Variants in ABLIM2 observed in about 807,000 individuals in gnomAD.
ABLIM2 encodes actin-binding LIM protein 2.
A neutral mutation model predicts 97.7 loss-of-function variants in ABLIM2; 53 were observed. The ratio of observed to expected loss-of-function variants is 0.54; its 90% confidence interval spans 0.44 to 0.68. The LOEUF is 0.68. ABLIM2 is among the 30% of genes least tolerant of loss of function. ABLIM2 has a pLI of 0.00. For synonymous variants in ABLIM2, 361 were observed against 345.8 expected (o/e 1.04, Z -0.49); for missense variants, 835 against 867.2 (o/e 0.96, Z 0.47).
chr4:8,101,460 C>G (rs1022753895), intron 2 of ABLIM2, among the ~76,000 whole-genome samples: 13 of 152,222 alleles, frequency 8.5e-5, no homozygotes, highest in Non-Finnish European at 1.9e-4. Context: ...ACGCCTGGAA[C>G]GCCCAGGAAG....
intron 16 of ABLIM2, among the ~76,000 whole-genome samples, chr4:7,993,323 C>T (rs1750458837): frequency 6.6e-6 from 1 of 152,228 alleles, no homozygotes; most frequent in Non-Finnish European, 1.5e-5. Flanking sequence ...GCTGTGCCAT[C>T]CTGTGCCAGA....
rs760467444 is a variant in ABLIM2 at position 8,072,144 on chromosome 4, T to G, written c.675+5484A>C. 5.7e-5 allele frequency: 48 copies of G among 839,968 alleles called. No homozygotes were observed. The Middle Eastern group carries it at 1.8e-3, about 32-fold the overall frequency. The allele number at this position is 839,968 out of a possible 1,614,324, so 52.0% of individuals were successfully genotyped here. On this transcript the variant is annotated intron_variant, in intron 6 of 20. Coordinates refer to ENST00000447017, the MANE Select transcript of ABLIM2 (RefSeq NM_001130083.2). This position sits in a 1 kb window ranked among gnomAD's most constrained non-coding sequence, Gnocchi z 5.8. ...TTAATCTTCCCCAGGAGGCCCTTTC[T>G]CCTCCACAGCAGAGGAGGAGGAAAA...
At position 8,150,356 on chromosome 4, in the gene ABLIM2, C is replaced by G. The variant is rs1331988002; in HGVS notation, c.10+8324G>C. On this transcript the variant is annotated intron_variant, in intron 1 of 20. Transcript: ENST00000447017. This position sits in a 1 kb window ranked among gnomAD's most constrained non-coding sequence, Gnocchi z 6.3. ...AGTTCCACCCATCACACATCCTCCA[C>G]TCCTTGGGTGTTCACGAAATGCCTC... Among the ~76,000 whole-genome samples the G allele has an allele frequency of 1.3e-5, 2 of 152,212 alleles. No homozygotes were observed. The highest frequency in any genetic ancestry group is 4.8e-5 in the African/African-American group (2 of 41,460).
rs934397040 is a variant in ABLIM2, at chr4:8,061,433, G to A, written c.676-379C>T. On this transcript the variant is annotated intron_variant, in intron 6 of 20. Transcript: ENST00000447017. This position sits in a 1 kb window ranked among gnomAD's most constrained non-coding sequence, Gnocchi z 4.5. ...GAGGAGGAAGAAAAGGGGAGAGGGAGGGGAGGGAAAGATAATATGATTTCC... is the reference window on the plus strand; with the variant it reads ...GAGGAGGAAGAAAAGGGGAGAGGGAAGGGAGGGAAAGATAATATGATTTCC... Among the ~76,000 whole-genome samples, 3 of 152,156 alleles carry A rather than the reference G, an allele frequency of 2.0e-5. No homozygotes were observed. The highest frequency in any genetic ancestry group is 1.3e-4 in the Admixed American group (2 of 15,280).
In ABLIM2 at chr4:7,992,866, C is replaced by T. The variant is rs754668427; in HGVS notation, c.1680G>A (p.Arg560=). ...PGHGKNGLDQ[R]NANLAPCGAD... The stretch of plus-strand genomic sequence containing the variant: ...TGGCCAGGGAGGGGTCAGTACCTAC[C>T]CGCTGGTCCAAGCCATTCTTTCCAT... Residue 560 remains arginine, a splice_region_variant and synonymous_variant, in exon 17 of 21, where the codon CGG becomes CGA. Transcript: ENST00000447017. This position sits in a 1 kb window ranked among gnomAD's most constrained non-coding sequence, Gnocchi z 5.7. The T allele has an allele frequency of 3.7e-6, 6 of 1,612,408 alleles. No homozygotes were observed. The highest frequency in any genetic ancestry group is 1.3e-5 in the African/African-American group (1 of 75,002).
intron 2 of ABLIM2, among the ~76,000 whole-genome samples, chr4:8,098,698 C>A (rs1315144767): frequency 2.6e-5 from 4 of 152,182 alleles, no homozygotes; most frequent in Non-Finnish European, 5.9e-5. Flanking sequence ...TGTCCCTGGG[C>A]AAGTTCCTTA....
At chr4:8,064,675 C>T (rs543377268) in intron 6 of ABLIM2, among the ~76,000 whole-genome samples, 10 of 152,276 alleles carry the variant, frequency 6.6e-5, no homozygotes, top group African/African-American at 1.9e-4. Context: ...TGATCCAAGC[C>T]AAGAAGTCGG....
Position 8,095,673 on chromosome 4 carries a change from G to A in ABLIM2, c.338+1426C>T, listed in dbSNP as rs994975055. Among the ~76,000 whole-genome samples the A allele has an allele frequency of 6.6e-5, 10 of 152,064 alleles. No individual in the cohort carries two copies. Among genetic ancestry groups the A allele is most frequent in the Admixed American group, 2.0e-4 (3 of 15,252 alleles). ...TGCTGGATTACGGGTGTGAGCCTCC[G>A]CGCCCAGCCAGCATGATCTTCCTGA... On this transcript the variant is annotated intron_variant, in intron 3 of 20. Coordinates refer to ENST00000447017, the MANE Select transcript of ABLIM2 (RefSeq NM_001130083.2). This position sits in a 1 kb window ranked among gnomAD's most constrained non-coding sequence, Gnocchi z 4.7.
chr4:8,016,693 G>T (rs955475843), intron 14 of ABLIM2, among the ~76,000 whole-genome samples: 1 of 152,110 alleles, frequency 6.6e-6, no homozygotes, highest in Non-Finnish European at 1.5e-5. Flanking sequence ...AGACTGTCTC[G>T]AGGACTTTCC....
chr4:8,025,351 C>T (rs937024535), intron 12 of ABLIM2, among the ~76,000 whole-genome samples: 1 of 152,228 alleles, frequency 6.6e-6, no homozygotes, highest in Non-Finnish European at 1.5e-5. Flanking sequence ...GAAGGTGCCT[C>T]CTGGCCCCGG....
At chr4:8,037,616 C>T (rs1479612322) in intron 9 of ABLIM2, among the ~76,000 whole-genome samples, 1 of 152,122 alleles carries the variant, frequency 6.6e-6, no homozygotes, top group East Asian at 1.9e-4. Context: ...CGTGCATGCA[C>T]ATCTGCCCAC....
intron 20 of ABLIM2, among the ~76,000 whole-genome samples, chr4:7,973,005 T>A: frequency 6.6e-6 from 1 of 151,580 alleles, no homozygotes; most frequent in East Asian, 1.9e-4. Flanking sequence ...CTGGTGTGCA[T>A]TTGGCCTCAG....
chr4:8,088,878 A>G (rs751037848), intron 3 of ABLIM2, among the ~76,000 whole-genome samples: 4 of 152,222 alleles, frequency 2.6e-5, no homozygotes, highest in Non-Finnish European at 5.9e-5. Context: ...AGTCAGAACC[A>G]GAATCAAACC....
rs913223884 is a variant in ABLIM2 at position 8,003,147 on chromosome 4, G to A, written c.1618+4912C>T. Among the ~76,000 whole-genome samples the A allele has an allele frequency of 1.3e-5, 2 of 152,256 alleles. No homozygotes were observed. The highest frequency in any genetic ancestry group is 2.4e-5 in the African/African-American group (1 of 41,552). On this transcript the variant is annotated intron_variant, in intron 16 of 20. Transcript: ENST00000447017. This position sits in a 1 kb window ranked among gnomAD's most constrained non-coding sequence, Gnocchi z 4.2. ...AGAGAGATGCCCCTTGGCTTACCAC[G>A]GGCTCATCATATCCCATAAACCCAG...
rs1162083203 is a variant in ABLIM2, at chr4:8,022,745, A to T, written c.1268-2442T>A. ...GCCTGTGAGGCTTCGTTGGAACAAA[A>T]TGCATCGCCAGCTCCCACCTGGAGC... is the stretch of plus-strand genomic sequence containing the variant. On this transcript the variant is annotated intron_variant, in intron 12 of 20. Transcript: ENST00000447017. This position sits in a 1 kb window ranked among gnomAD's most constrained non-coding sequence, Gnocchi z 7.8. 1 of 152,514 alleles carries T rather than the reference A, an allele frequency of 6.6e-6. No homozygotes were observed. The highest frequency in any genetic ancestry group is 1.5e-5 in the Non-Finnish European group (1 of 68,342). The allele number at this position is 152,514 out of a possible 1,614,324, so 9.4% of individuals were successfully genotyped here.
At chr4:8,009,562 A>G (rs1177096939) in intron 14 of ABLIM2, among the ~76,000 whole-genome samples, 1 of 151,990 alleles carries the variant, frequency 6.6e-6, no homozygotes, top group African/African-American at 2.4e-5. Flanking sequence ...TGCCTGGGTA[A>G]GTTTTATATT....
intron 1 of ABLIM2, among the ~76,000 whole-genome samples, chr4:8,115,992 C>T (rs1842613114): frequency 1.3e-5 from 2 of 152,196 alleles, no homozygotes; most frequent in African/African-American, 4.8e-5. Flanking sequence ...ACAGAAGTCC[C>T]CACGGATGGC....
In ABLIM2 at chr4:8,032,677, G is replaced by C. The variant is rs1560788200; in HGVS notation, c.1048-2901C>G. Reference sequence around the variant, plus strand: ...GTCGGCGTTGGCGAGAGCAACTGAGGGGACTGTGGACACAACACACAAAGT... The same window carrying C: ...GTCGGCGTTGGCGAGAGCAACTGAGCGGACTGTGGACACAACACACAAAGT... On this transcript the variant is annotated intron_variant, in intron 10 of 20. Coordinates refer to ENST00000447017, the MANE Select transcript of ABLIM2 (RefSeq NM_001130083.2). The surrounding 1 kb of genome is among the most constrained non-coding windows in gnomAD (Gnocchi z 4.3). The C allele has an allele frequency of 6.2e-7, 1 of 1,612,558 alleles. No homozygotes were observed.
intron 1 of ABLIM2, among the ~76,000 whole-genome samples, chr4:8,142,308 C>T (rs1249593551): frequency 6.6e-6 from 1 of 152,178 alleles, no homozygotes; most frequent in Non-Finnish European, 1.5e-5. Flanking sequence ...GCCCGCACTG[C>T]CCGAGGGCAT....
Sources: allele counts gnomAD v4.1 joint callset (sites outside exome capture counted in the v4.1 genomes callset), GRCh38; gene constraint gnomAD v4.1.1; non-coding constraint Gnocchi (gnomAD v3.1); transcripts MANE v1.5; gene names NCBI Gene and HGNC (gene_info 2026-07-23, HGNC 2026-07-21).